The following NPAS3 variants were observed in gnomAD, a reference collection of about 807,000 sequenced individuals.
The protein encoded by NPAS3 is neuronal PAS domain protein 3, also known as neuronal PAS domain-containing protein 3.
In NPAS3, 14 loss-of-function variants were observed where a neutral mutation model predicts 73.1. That is an observed-to-expected ratio of 0.19 (90% confidence interval 0.13 to 0.30). The LOEUF (loss-of-function observed/expected upper bound fraction) is 0.30, where lower values mean the gene tolerates loss of function less well. Among genes scored for constraint, NPAS3 ranks in the 10% least tolerant of loss-of-function variants. The pLI, the probability that NPAS3 is intolerant of heterozygous loss-of-function variation, is 1.00. For synonymous variants in NPAS3, 620 were observed against 541.5 expected, an observed-to-expected ratio of 1.14 and a Z score of -2.01; for missense variants, 1,096 against 1,250.0, an observed-to-expected ratio of 0.88 and a Z score of 1.86.
At chr14:33,642,705 C>T (rs1401449483) in intron 5 of NPAS3, among the ~76,000 whole-genome samples, 4 of 152,068 alleles carry the variant, frequency 2.6e-5, no homozygotes, top group Non-Finnish European at 4.4e-5. Flanking sequence ...CCAGTGTGCA[C>T]CTATTTTTTT....
At chr14:33,469,583 A>G (rs1476831005) in intron 4 of NPAS3, among the ~76,000 whole-genome samples, 1 of 152,216 alleles carries the variant, frequency 6.6e-6, no homozygotes, top group African/African-American at 2.4e-5. Context: ...AAGTGTGTTA[A>G]TGGGAACTAG....
At chr14:33,111,674 T>A (rs970740667) in intron 2 of NPAS3, among the ~76,000 whole-genome samples, 29 of 151,414 alleles carry the variant, frequency 1.9e-4, no homozygotes, top group East Asian at 1.7e-3. Context: ...TTTTTTTTTT[T>A]ATTATACTTC....
chr14:33,038,685 A>T (rs1046908784), intron 1 of NPAS3, among the ~76,000 whole-genome samples: 7 of 152,138 alleles, frequency 4.6e-5, no homozygotes, highest in African/African-American at 1.7e-4. Flanking sequence ...CACACTGGAA[A>T]ATGGGAGGAC....
intron 1 of NPAS3, among the ~76,000 whole-genome samples, chr14:33,009,491 A>G (rs2039115883): frequency 6.6e-6 from 1 of 152,154 alleles, no homozygotes; most frequent in African/African-American, 2.4e-5. Context: ...TTAGGCATCT[A>G]TTTGGAAGAA....
intron 4 of NPAS3, among the ~76,000 whole-genome samples, chr14:33,553,776 C>T (rs1011722812): frequency 6.6e-6 from 1 of 152,284 alleles, no homozygotes; most frequent in African/African-American, 2.4e-5. Flanking sequence ...TGTTTCTGCA[C>T]AGTGCTGGAT....
At chr14:33,044,442 G>A (rs1250876105) in intron 1 of NPAS3, among the ~76,000 whole-genome samples, 1 of 152,058 alleles carries the variant, frequency 6.6e-6, no homozygotes, top group East Asian at 1.9e-4. Flanking sequence ...TTTTCTAATG[G>A]TTAACATTGC....
intron 1 of NPAS3, among the ~76,000 whole-genome samples, chr14:33,054,376 GAATTT>G (rs1357257228): frequency 6.6e-6 from 1 of 152,086 alleles, no homozygotes; most frequent in Non-Finnish European, 1.5e-5. Flanking sequence ...TTGGCCTACA[GAATTT>G]AATGAGAGAT....
At chr14:33,320,963 A>C (rs926544597) in intron 3 of NPAS3, among the ~76,000 whole-genome samples, 1 of 152,118 alleles carries the variant, frequency 6.6e-6, no homozygotes, top group Non-Finnish European at 1.5e-5. Context: ...TGGTGCCTCC[A>C]CGCTGCATGC....
chr14:33,748,755 C>T (rs17101831), intron 7 of NPAS3, among the ~76,000 whole-genome samples: 11,538 of 152,200 alleles, frequency 0.076, 973 homozygotes, highest in African/African-American at 0.21. Context: ...TGATGGTTGG[C>T]TGACAGTACC....
intron 3 of NPAS3, among the ~76,000 whole-genome samples, chr14:33,274,272 G>A (rs531661752): frequency 1.3e-5 from 2 of 152,332 alleles, no homozygotes; most frequent in South Asian, 2.1e-4. Context: ...AGTTCACTAT[G>A]TACGGAGAAA....
intron 5 of NPAS3, among the ~76,000 whole-genome samples, chr14:33,633,759 C>G (rs776111277): frequency 6.6e-6 from 1 of 152,124 alleles, no homozygotes; most frequent in African/African-American, 2.4e-5. Context: ...GCAGGAGGAT[C>G]ACTTGAGCCC....
chr14:33,580,800 A>ACC (rs199853362), intron 5 of NPAS3, among the ~76,000 whole-genome samples: 4 of 130,188 alleles, frequency 3.1e-5, no homozygotes, highest in African/African-American at 5.8e-5. Flanking sequence ...CCTCCACCGC[A>ACC]CCCCCCTACC....
chr14:33,181,222 T>A (rs1306689110), intron 2 of NPAS3, among the ~76,000 whole-genome samples: 2 of 152,134 alleles, frequency 1.3e-5, no homozygotes, highest in Non-Finnish European at 2.9e-5. Flanking sequence ...AGATGTATAA[T>A]AGAAGTATTG....
At chr14:32,973,040 A>G (rs1287764040) in intron 1 of NPAS3, among the ~76,000 whole-genome samples, 1 of 152,208 alleles carries the variant, frequency 6.6e-6, no homozygotes, top group East Asian at 1.9e-4. Flanking sequence ...TCTGAGGTAA[A>G]GAGAGTTTTG....
intron 5 of NPAS3, among the ~76,000 whole-genome samples, chr14:33,660,815 G>T (rs932000223): frequency 6.6e-6 from 1 of 152,000 alleles, no homozygotes; most frequent in Non-Finnish European, 1.5e-5. Flanking sequence ...CTCTGTTTTC[G>T]GACAGCACAT....
intron 5 of NPAS3, among the ~76,000 whole-genome samples, chr14:33,664,891 G>T (rs191534385): frequency 1.3e-5 from 2 of 152,176 alleles, no homozygotes; most frequent in Admixed American, 1.3e-4. Context: ...AGATAGGAAC[G>T]CTTTTACACC....
chr14:33,480,021 C>T (rs1313715815), intron 4 of NPAS3, among the ~76,000 whole-genome samples: 8 of 152,032 alleles, frequency 5.3e-5, no homozygotes, highest in East Asian at 1.9e-4. Context: ...TGAGTTGGCT[C>T]GTTTCCCAAA....
At chr14:33,496,026 C>T (rs1054063679) in intron 4 of NPAS3, among the ~76,000 whole-genome samples, 1 of 151,966 alleles carries the variant, frequency 6.6e-6, no homozygotes, top group Non-Finnish European at 1.5e-5. Flanking sequence ...GGAATATCAC[C>T]ACTAATCCCA....
At position 32,988,406 on chromosome 14, in the gene NPAS3, C is replaced by CA. The variant is rs1470067228; in HGVS notation, c.50+49041dup. Among the ~76,000 whole-genome samples, 8 of 152,140 alleles carry CA rather than the reference C, an allele frequency of 5.3e-5. No homozygotes were observed. The East Asian group carries it at 1.5e-3, about 29-fold the overall frequency. Reference sequence around the variant, plus strand: ...TTGGTATACGATAGTAGTTTAGAAACAGACACATCCTATACATTAAAATGA... The same window carrying CA: ...TTGGTATACGATAGTAGTTTAGAAACAAGACACATCCTATACATTAAAATGA... On this transcript the variant is annotated intron_variant, in intron 1 of 11. Transcript: ENST00000356141.
Sources: gnomAD v4.1 joint callset for allele counts (sites outside exome capture counted in the v4.1 genomes callset) on GRCh38, gnomAD v4.1.1 for gene constraint, MANE v1.5 for transcripts, NCBI Gene and HGNC (gene_info 2026-07-23, HGNC 2026-07-21) for gene names.